Variants in IL21R observed in about 807,000 individuals in gnomAD.
IL21R encodes the protein interleukin 21 receptor.
IL21R carries 14 observed loss-of-function variants against 41.3 expected under a neutral mutation model. That is an observed-to-expected ratio of 0.34 (90% CI 0.22 to 0.53). The LOEUF is 0.53. Ranked by LOEUF, IL21R falls within the 20% of genes least tolerant of loss-of-function variation. The pLI, the probability that IL21R is intolerant of heterozygous loss-of-function variation, is 0.94. For synonymous variants in IL21R, 286 were observed against 287.6 expected (o/e 0.99, Z 0.05); for missense variants, 588 against 681.6 (o/e 0.86, Z 1.53).
chr16:27,450,605 A>G lies in IL21R; in HGVS notation c.*1322A>G. 4.7e-6 allele frequency: 1 copy of G among 212,886 alleles called. No individual in the cohort carries two copies. The highest frequency in any genetic ancestry group is 2.3e-5 in the African/African-American group (1 of 43,002). 13.2% of individuals were successfully genotyped at this position (212,886 alleles called of 1,614,324 possible). On this transcript the variant is annotated 3_prime_UTR_variant, in exon 9 of 9. Transcript: ENST00000337929. ...TTCTTTTTTTTTTTTTTCTTTTGAGACAGAGTCTCACTCTCGTCGCCCAGG... is the reference window on the plus strand; with the variant it reads ...TTCTTTTTTTTTTTTTTCTTTTGAGGCAGAGTCTCACTCTCGTCGCCCAGG...
chr16:27,440,246 TATAGAGAG>T (rs1490727099), intron 4 of IL21R, among the ~76,000 whole-genome samples: 15 of 78,622 alleles, frequency 1.9e-4, no homozygotes, highest in East Asian at 5.5e-4. Flanking sequence ...TATATATATA[TATAGAGAG>T]AGAGAGAGAG....
rs1192854265 is a variant in IL21R at position 27,402,604 on chromosome 16, A to G, written c.-31A>G. ...CACACGGAATGGATTTCTGAGAAAG[A>G]AGCCGAAACAGAAGGTAATTCCAGC... On this transcript the variant is annotated 5_prime_UTR_variant, in exon 1 of 9. Transcript: ENST00000337929. 2 of 154,378 alleles carry G rather than the reference A, an allele frequency of 1.3e-5. No homozygotes were observed. Among genetic ancestry groups the G allele is most frequent in the Admixed American group, 6.4e-5 (1 of 15,748 alleles). 9.6% of individuals were successfully genotyped at this position (154,378 alleles called of 1,614,324 possible). A position where few individuals can be genotyped will look rare whatever the true frequency, so the allele number is the denominator to read the frequency against.
chr16:27,419,307 C>T (rs1197545103), intron 1 of IL21R, among the ~76,000 whole-genome samples: 16 of 152,254 alleles, frequency 1.1e-4, no homozygotes, highest in Admixed American at 1.0e-3. Context: ...TCCACCTCCA[C>T]ATTTTGTCCC....
chr16:27,443,512 G>A (rs1010227190), intron 5 of IL21R, among the ~76,000 whole-genome samples: 5 of 152,072 alleles, frequency 3.3e-5, no homozygotes, highest in Non-Finnish European at 5.9e-5. Flanking sequence ...AGCCAGGTGC[G>A]GTGGCTCATG....
Position 27,448,544 on chromosome 16 carries a change from G to C in IL21R, c.878G>C (p.Gly293Ala). The change falls in exon 9 of 9, where the codon GGT becomes GCT. Residue 293 changes from glycine to alanine, a missense_variant. Coordinates refer to ENST00000337929, the MANE Select transcript of IL21R (RefSeq NM_181078.3). ...TTTTCTCTCTCACAGAAATGGGTGG[G>C]TGCACCCTTCACTGGCTCCAGCCTG... ...GCSGDFKKWV[G>A]APFTGSSLEL... 1 of 1,604,942 alleles carries C rather than the reference G, an allele frequency of 6.2e-7. No individual in the cohort carries two copies. The highest frequency in any genetic ancestry group is 8.5e-7 in the Non-Finnish European group (1 of 1,176,122).
chr16:27,437,224 T>G (rs575716228), intron 3 of IL21R, among the ~76,000 whole-genome samples: 2 of 152,316 alleles, frequency 1.3e-5, no homozygotes, highest in African/African-American at 4.8e-5. Flanking sequence ...AATTGAGAGC[T>G]GCTGCCCTAA....
intron 1 of IL21R, among the ~76,000 whole-genome samples, chr16:27,408,105 T>G (rs1435091531): frequency 6.6e-6 from 1 of 151,458 alleles, no homozygotes; most frequent in Non-Finnish European, 1.5e-5. Flanking sequence ...AGAAACACAC[T>G]GTCCCTGCCT....
At chr16:27,406,145 G>T (rs1300214293) in intron 1 of IL21R, among the ~76,000 whole-genome samples, 1 of 152,288 alleles carries the variant, frequency 6.6e-6, no homozygotes, top group Non-Finnish European at 1.5e-5. Context: ...GTCCACTTTG[G>T]CCAGGGCCAG....
intron 1 of IL21R, among the ~76,000 whole-genome samples, chr16:27,406,472 G>T (rs1339005298): frequency 1.3e-5 from 2 of 152,162 alleles, no homozygotes; most frequent in Non-Finnish European, 2.9e-5. Flanking sequence ...CAGGCTGGAA[G>T]AAGTGCCAGG....
intron 5 of IL21R, among the ~76,000 whole-genome samples, chr16:27,443,340 G>A (rs557807413): frequency 1.1e-4 from 17 of 152,220 alleles, no homozygotes; most frequent in Middle Eastern, 3.4e-3. Flanking sequence ...TCTCCTCGGC[G>A]GTCAGCATGC....
chr16:27,408,745 T>C (rs1345623968), intron 1 of IL21R, among the ~76,000 whole-genome samples: 6 of 152,162 alleles, frequency 3.9e-5, no homozygotes, highest in African/African-American at 1.4e-4. Flanking sequence ...GTGATCCCTA[T>C]AGGAAATAGG....
Position 27,444,658 on chromosome 16 carries a change from C to T in IL21R, c.624C>T (p.Ser208=), listed in dbSNP as rs1474417285. The T allele has an allele frequency of 3.8e-6, 6 of 1,578,424 alleles. No individual in the cohort carries two copies. Among genetic ancestry groups the T allele is most frequent in the African/African-American group, 2.7e-5 (2 of 73,136 alleles). The change falls in exon 6 of 9, where the codon TCC becomes TCT. Residue 208 remains serine (S), a synonymous_variant. Transcript: ENST00000337929. ...TGCGGGCAGGGCCCATGCCTGGCTC[C>T]TCCTACCAGGGGACCTGGAGTGAAT... ...LQVRAGPMPG[S]SYQGTWSEWS...
At chr16:27,435,363 A>C (rs1366862077) in intron 3 of IL21R, among the ~76,000 whole-genome samples, 2 of 152,234 alleles carry the variant, frequency 1.3e-5, no homozygotes, top group Admixed American at 6.5e-5. Flanking sequence ...ATGCCTTGGA[A>C]CTGACGTACC....
rs1235591513 is a variant in IL21R, at chr16:27,408,489, C to T, written c.-17+5871C>T. 3.3e-5 allele frequency among the ~76,000 whole-genome samples: 5 copies of T among 152,104 alleles called. No homozygotes were observed. In the East Asian group the frequency reaches 9.6e-4, roughly 29 times the overall value. ...GATAACAGAGAGCCATGGAATGACACGGTTGGAGTAAGAATGGAGTTGGAG... is the reference window on the plus strand; with the variant it reads ...GATAACAGAGAGCCATGGAATGACATGGTTGGAGTAAGAATGGAGTTGGAG... On this transcript the variant is annotated intron_variant, in intron 1 of 8. Coordinates refer to ENST00000337929, the MANE Select transcript of IL21R (RefSeq NM_181078.3).
At chr16:27,441,090 A>G (rs1458829251) in intron 4 of IL21R, among the ~76,000 whole-genome samples, 8 of 131,580 alleles carry the variant, frequency 6.1e-5, no homozygotes, top group Admixed American at 2.3e-4. Context: ...AAAGAAAGGG[A>G]GGGAGGGAGG....
rs1466692820 is a variant in IL21R, at chr16:27,440,240, T to TAGAG, written c.352+2554_352+2555insGAGA. Among the ~76,000 whole-genome samples, 133 of 88,686 alleles carry TAGAG rather than the reference T, an allele frequency of 1.5e-3. 1 individual carries two copies. The highest frequency in any genetic ancestry group is 3.4e-3 in the African/African-American group (60 of 17,500). The allele number at this position is 88,686 out of a possible 152,430, so 58.2% of individuals were successfully genotyped here. ...TCTGACAAATATATATATATATATA[T>TAGAG]ATATATATAGAGAGAGAGAGAGAGA... is the stretch of plus-strand genomic sequence containing the variant. On this transcript the variant is annotated intron_variant, in intron 4 of 8. Transcript: ENST00000337929.
intron 4 of IL21R, 75 bp downstream of exon 4, chr16:27,437,762 A>C: frequency 4.2e-6 from 5 of 1,203,096 alleles, no homozygotes; most frequent in Non-Finnish European, 6.1e-6. Context: ...CTCTGGGCTC[A>C]GGTGATCCTC....
chr16:27,409,131 C>T (rs1396751455), intron 1 of IL21R, among the ~76,000 whole-genome samples: 1 of 150,346 alleles, frequency 6.7e-6, no homozygotes, highest in African/African-American at 2.4e-5. Context: ...GTATCCTTTT[C>T]AGCACTTGGA....
At chr16:27,446,737 G>A (rs3093378) in intron 8 of IL21R, among the ~76,000 whole-genome samples, 52,291 of 152,034 alleles carry the variant, frequency 0.34, 9,563 homozygotes, top group African/African-American at 0.48. Flanking sequence ...CCTTAATCTG[G>A]GTTGGAGAGG....
Sources: allele counts gnomAD v4.1 joint callset (sites outside exome capture counted in the v4.1 genomes callset), GRCh38; gene constraint gnomAD v4.1.1; transcripts MANE v1.5; gene names NCBI Gene and HGNC (gene_info 2026-07-23, HGNC 2026-07-21).